CFAP251: variants seen among roughly 807,000 people sequenced by gnomAD.
The protein encoded by CFAP251 is cilia and flagella associated protein 251, also known as cilia- and flagella-associated protein 251.
A neutral mutation model predicts 126.7 loss-of-function variants in CFAP251; 93 were observed. The observed-to-expected ratio is 0.73, with a 90% CI of 0.62 to 0.87. The LOEUF is 0.87. Ranked by LOEUF, CFAP251 falls within the 40% of genes least tolerant of loss-of-function variation. CFAP251 has a pLI of 0.00. For missense variants in CFAP251, 1,287 were observed against 1,389.2 expected (o/e 0.93, Z 1.17); for synonymous variants, 503 against 506.9 (o/e 0.99, Z 0.10).
In CFAP251 at chr12:121,932,061, G is replaced by C. The variant is rs1044420884; in HGVS notation, c.888+175G>C. 3 of 494,176 alleles carry C rather than the reference G, an allele frequency of 6.1e-6. No homozygotes were observed. In the Admixed American group the frequency reaches 1.3e-4, roughly 22 times the overall value. 30.6% of individuals were successfully genotyped at this position (494,176 alleles called of 1,614,324 possible). A position where few individuals can be genotyped will look rare whatever the true frequency, so the allele number is the denominator to read the frequency against. On this transcript the variant is annotated intron_variant, in intron 4 of 21. Coordinates refer to ENST00000288912, the MANE Select transcript of CFAP251 (RefSeq NM_144668.6). ...ACATGGTATTGTTTATTGTCTCTCTGTTTCTAATCAGAATCAACTTACAAA... is the reference window on the plus strand; with the variant it reads ...ACATGGTATTGTTTATTGTCTCTCTCTTTCTAATCAGAATCAACTTACAAA...
intron 3 of CFAP251, among the ~76,000 whole-genome samples, chr12:121,924,907 C>T (rs1414885080): frequency 6.6e-6 from 1 of 152,072 alleles, no homozygotes; most frequent in African/African-American, 2.4e-5. Context: ...CTCCATTCCG[C>T]CCCTTTCCCC....
chr12:121,924,536 G>A (rs11043244), intron 3 of CFAP251, among the ~76,000 whole-genome samples: 48,421 of 148,562 alleles, frequency 0.33, 10,022 homozygotes, highest in Non-Finnish European at 0.47. Flanking sequence ...GGGTTCAAGC[G>A]ATTCTCCTGC....
rs201116442 is a variant in CFAP251 at position 121,923,888 on chromosome 12, C to G, written c.645C>G (p.Ser215=). ...AGGAGGGACAAGAAAGGAGAGTATC[C>G]GACATCCAGTCCAAAGCAGGGATCT... ...NREEGQERRV[S]DIQSKAGISR... The change falls in exon 3 of 22, where the codon TCC becomes TCG. Residue 215 remains serine (S), a synonymous_variant. Transcript: ENST00000288912. 52 of 1,614,080 alleles carry G rather than the reference C, an allele frequency of 3.2e-5. No homozygotes were observed. In the African/African-American group the frequency reaches 6.5e-4, roughly 20 times the overall value.
chr12:121,938,928 A>C (rs1212736379), intron 5 of CFAP251, among the ~76,000 whole-genome samples: 1 of 151,950 alleles, frequency 6.6e-6, no homozygotes, highest in African/African-American at 2.4e-5. Flanking sequence ...CGGAGGTTGC[A>C]GTGAGCTGAG....
At chr12:121,995,231 C>G (rs1305468813) in intron 19 of CFAP251, among the ~76,000 whole-genome samples, 2 of 152,134 alleles carry the variant, frequency 1.3e-5, no homozygotes, top group Non-Finnish European at 2.9e-5. Flanking sequence ...TCTTTTAGCC[C>G]CAACCTCTAC....
At chr12:121,982,296 T>C (rs958816457) in intron 19 of CFAP251, among the ~76,000 whole-genome samples, 1 of 151,796 alleles carries the variant, frequency 6.6e-6, no homozygotes, top group South Asian at 2.1e-4. Flanking sequence ...AGCCTCGACT[T>C]CCTGGGCTCA....
chr12:121,942,376 T>G (rs1008881553), intron 5 of CFAP251, among the ~76,000 whole-genome samples, 158 bp from the exon 6 acceptor site: 3 of 152,200 alleles, frequency 2.0e-5, no homozygotes, highest in Non-Finnish European at 4.4e-5. Flanking sequence ...GCATCAGTGC[T>G]TCATTCCCTT....
intron 19 of CFAP251, among the ~76,000 whole-genome samples, chr12:121,984,238 T>C (rs1260632874): frequency 1.3e-5 from 2 of 152,200 alleles, no homozygotes; most frequent in Non-Finnish European, 2.9e-5. Flanking sequence ...CAGAAAGCTG[T>C]GCTCAGGAGC....
Position 121,954,259 on chromosome 12 carries a change from G to C in CFAP251, c.1460G>C (p.Gly487Ala). Residue 487 changes from glycine to alanine, a missense_variant, in exon 10 of 22, where the codon GGC (glycine) becomes GCC (alanine). Gly to Ala is a moderately conservative substitution (Grantham distance 60). Coordinates refer to ENST00000288912, the MANE Select transcript of CFAP251 (RefSeq NM_144668.6). ...CCCTCATCTGCCTCCACCTTTTTGG[G>C]CTTTCCCTATATCAAGCCTTGTAAA... The part of the protein sequence containing the change: ...RPPSSASTFL[G>A]FPYIKPCKLV... 6.2e-7 allele frequency: 1 copy of C among 1,614,102 alleles called. No homozygotes were observed. The highest frequency in any genetic ancestry group is 8.5e-7 in the Non-Finnish European group (1 of 1,180,018).
At chr12:121,952,858 C>A (rs891686912) in intron 9 of CFAP251, 2 of 152,010 alleles carry the variant, frequency 1.3e-5, no homozygotes, top group African/African-American at 4.8e-5. Context: ...TAAAAAATAC[C>A]ATCAGTTCTC....
At chr12:121,977,725 G>A (rs963118522) in intron 19 of CFAP251, among the ~76,000 whole-genome samples, 36 of 151,676 alleles carry the variant, frequency 2.4e-4, no homozygotes, top group Non-Finnish European at 3.7e-4. Flanking sequence ...GGAGGCCAAG[G>A]CGGGCGGATC....
Position 121,932,070 on chromosome 12 carries a change from C to G in CFAP251, c.888+184C>G, listed in dbSNP as rs1880714791. On this transcript the variant is annotated intron_variant, in intron 4 of 21. Coordinates refer to ENST00000288912, the MANE Select transcript of CFAP251 (RefSeq NM_144668.6). ...TGTTTATTGTCTCTCTGTTTCTAAT[C>G]AGAATCAACTTACAAAACAGCAGTT... 4 of 468,888 alleles carry G rather than the reference C, an allele frequency of 8.5e-6. No individual in the cohort carries two copies. The East Asian group carries it at 1.5e-4, about 18-fold the overall frequency. The allele number at this position is 468,888 out of a possible 1,614,324, so 29.0% of individuals were successfully genotyped here. A position where few individuals can be genotyped will look rare whatever the true frequency, so the allele number is the denominator to read the frequency against.
chr12:121,934,196 G>A (rs1198493860), intron 4 of CFAP251, 51 bp from the exon 5 acceptor site: 2 of 1,486,828 alleles, frequency 1.3e-6, no homozygotes, highest in East Asian at 4.6e-5. Flanking sequence ...TAGTGGCCAA[G>A]GCTGGGCCGC....
At chr12:121,971,621 G>A (rs765106701) in intron 17 of CFAP251, 1 of 702,790 alleles carries the variant, frequency 1.4e-6, no homozygotes, top group South Asian at 1.5e-5. Context: ...AACTCCAAGG[G>A]GTCTGATGAC....
chr12:121,943,399 T>TTTTG (rs1381271454), intron 7 of CFAP251, among the ~76,000 whole-genome samples: 2 of 151,924 alleles, frequency 1.3e-5, no homozygotes, highest in Non-Finnish European at 2.9e-5. Flanking sequence ...AGTAGAGTGT[T>TTTTG]TTTGTTTGTT....
intron 2 of CFAP251, 46 bp from the exon 3 acceptor site, chr12:121,923,575 TG>T (rs1402495108): frequency 1.9e-6 from 3 of 1,547,446 alleles, no homozygotes; most frequent in South Asian, 2.6e-5. Flanking sequence ...GAATAAATGG[TG>T]AGTAGCAGCA....
At chr12:121,971,698 A>G (rs536841111) in intron 17 of CFAP251, 28 of 691,154 alleles carry the variant, frequency 4.1e-5, no homozygotes, top group Non-Finnish European at 6.1e-5. Flanking sequence ...TCCACCCCAC[A>G]CCTTAACAAA....
intron 10 of CFAP251, among the ~76,000 whole-genome samples, chr12:121,955,406 C>A (rs1222524246): frequency 6.6e-6 from 1 of 152,152 alleles, no homozygotes; most frequent in Non-Finnish European, 1.5e-5. Flanking sequence ...TGCTGAGTGA[C>A]CTTGAGCAAG....
chr12:121,927,040 C>A (rs1394076496), intron 3 of CFAP251, among the ~76,000 whole-genome samples: 1 of 152,152 alleles, frequency 6.6e-6, no homozygotes, highest in African/African-American at 2.4e-5. Context: ...CCTACACACA[C>A]CCCCACCCAA....
Sources: allele counts gnomAD v4.1 joint callset (sites outside exome capture counted in the v4.1 genomes callset), GRCh38; gene constraint gnomAD v4.1.1; transcripts MANE v1.5; gene names NCBI Gene and HGNC (gene_info 2026-07-23, HGNC 2026-07-21).